WDR48: variants seen among roughly 807,000 people sequenced by gnomAD.
WDR48 encodes the protein WD repeat-containing protein 48.
In WDR48, 22 loss-of-function variants were observed where a neutral mutation model predicts 94.0. The ratio of observed to expected loss-of-function variants is 0.23; its 90% CI spans 0.17 to 0.33. The LOEUF (loss-of-function observed/expected upper bound fraction) is 0.33, where lower values mean the gene tolerates loss of function less well. WDR48 is among the 10% of genes least tolerant of loss of function. The probability of loss-of-function intolerance (pLI) is 1.00; values close to 1 mark genes in which losing one functional copy is unlikely to be tolerated. For synonymous variants in WDR48, 278 were observed against 280.5 expected (o/e 0.99, Z 0.09); for missense variants, 541 against 813.8 (o/e 0.66, Z 4.08).
chr3:39,078,490 C>T (rs572695228), intron 10 of WDR48, among the ~76,000 whole-genome samples: 2 of 152,012 alleles, frequency 1.3e-5, no homozygotes, highest in African/African-American at 4.8e-5. Context: ...GGGATCTTGG[C>T]TCACTGCAAC....
chr3:39,088,866 T>C (rs2034945283), intron 15 of WDR48, among the ~76,000 whole-genome samples: 1 of 152,242 alleles, frequency 6.6e-6, no homozygotes, highest in Non-Finnish European at 1.5e-5. Context: ...GATAGTTTCC[T>C]GAGTGGTTAC....
At position 39,063,147 on chromosome 3, in the gene WDR48, G is replaced by C; in HGVS notation, c.146G>C (p.Gly49Ala). The C allele has an allele frequency of 6.2e-7, 1 of 1,614,114 alleles. No homozygotes were observed. The highest frequency in any genetic ancestry group is 8.5e-7 in the Non-Finnish European group (1 of 1,179,994). ...DPALNRLFTA[G>A]RDSIIRIWSV... is the part of the protein sequence containing the mutation. The stretch of plus-strand genomic sequence containing the variant: ...GCACTAAATAGACTTTTCACAGCCG[G>C]TCGAGACTCTATCATAAGAATATGG... The change falls in exon 2 of 19, where the codon GGT becomes GCT. Residue 49 changes from glycine (G) to alanine (A), a missense_variant. By Grantham distance (60) the Gly-to-Ala change is moderately conservative. This residue lies in a region of WDR48 where 90 missense variants were observed against 122.3 expected (regional missense o/e 0.74). Coordinates refer to ENST00000302313, the MANE Select transcript of WDR48 (RefSeq NM_020839.4).
intron 18 of WDR48, chr3:39,094,438 C>T: frequency 1.3e-6 from 2 of 1,529,434 alleles, no homozygotes; most frequent in Admixed American, 2.0e-5. Context: ...GAAAGATGGC[C>T]TGGTGTTTCT....
rs2035332098 is a variant in WDR48, at chr3:39,096,354, T to G, written c.*1611T>G. On this transcript the variant is annotated 3_prime_UTR_variant, in exon 19 of 19. Coordinates refer to ENST00000302313, the MANE Select transcript of WDR48 (RefSeq NM_020839.4). The stretch of plus-strand genomic sequence containing the variant: ...GTTGGATACAACAGTGTGCTTTTGG[T>G]GCACATTTTTTAGCAATAGTTGTGA... 1 of 151,994 alleles carries G rather than the reference T, an allele frequency of 6.6e-6. No individual in the cohort carries two copies. The allele number at this position is 151,994 out of a possible 1,614,324, so 9.4% of individuals were successfully genotyped here.
At chr3:39,060,128 A>AAAAAAAAAT (rs2033158512) in intron 1 of WDR48, among the ~76,000 whole-genome samples, 1 of 152,156 alleles carries the variant, frequency 6.6e-6, no homozygotes, top group African/African-American at 2.4e-5. Context: ...CAAAGTGTAC[A>AAAAAAAAAT]ATTCAGTGAT....
At chr3:39,059,611 AAC>A (rs2033126662) in intron 1 of WDR48, among the ~76,000 whole-genome samples, 1 of 152,216 alleles carries the variant, frequency 6.6e-6, no homozygotes, top group African/African-American at 2.4e-5. Flanking sequence ...CAAACAAACA[AAC>A]AAAAGCTGGT....
At chr3:39,089,849 CTGTG>C (rs1347622942) in intron 16 of WDR48, 3 of 152,040 alleles carry the variant, frequency 2.0e-5, no homozygotes, top group African/African-American at 7.3e-5. Context: ...TTTTTAATGA[CTGTG>C]TAAGATTCTA....
At chr3:39,084,557 A>T in intron 12 of WDR48, 88 bp from the exon 13 acceptor site, 1 of 1,179,596 alleles carries the variant, frequency 8.5e-7, no homozygotes, top group Non-Finnish European at 1.2e-6. Context: ...TTAGCACTTT[A>T]GTCAAATAGT....
At chr3:39,083,122 A>G (rs2034622714) in intron 11 of WDR48, among the ~76,000 whole-genome samples, 1 of 152,230 alleles carries the variant, frequency 6.6e-6, no homozygotes, top group East Asian at 1.9e-4. Context: ...ATGGATTTAA[A>G]TAAAGAGGGT....
intron 11 of WDR48, among the ~76,000 whole-genome samples, chr3:39,083,274 A>G (rs1292837431): frequency 1.3e-5 from 2 of 152,162 alleles, no homozygotes; most frequent in East Asian, 3.8e-4. Flanking sequence ...CGGAAACTAG[A>G]GAAGATGTAG....
chr3:39,064,137 AAAG>A (rs1163977538), intron 2 of WDR48, among the ~76,000 whole-genome samples: 1 of 152,186 alleles, frequency 6.6e-6, no homozygotes, highest in East Asian at 1.9e-4. Context: ...ATGACAGAGA[AAAG>A]AAGAATCAGG....
intron 1 of WDR48, 123 bp from the exon 2 acceptor site, chr3:39,062,927 G>T: frequency 8.0e-7 from 1 of 1,244,956 alleles, no homozygotes; most frequent in African/African-American, 1.5e-5. Flanking sequence ...AATTTGTATT[G>T]GGTTGAAAAA....
intron 6 of WDR48, 148 bp downstream of exon 6, chr3:39,069,007 G>A: frequency 1.7e-6 from 1 of 583,712 alleles, no homozygotes. Flanking sequence ...AGGTTGGGGT[G>A]CAGTGGCATC....
chr3:39,077,822 A>G (rs1003564414), intron 9 of WDR48, among the ~76,000 whole-genome samples: 8 of 151,708 alleles, frequency 5.3e-5, no homozygotes, highest in Non-Finnish European at 1.2e-4. Flanking sequence ...TTCTTTCTGT[A>G]TACTTATTTT....
At chr3:39,061,787 C>G (rs903590623) in intron 1 of WDR48, among the ~76,000 whole-genome samples, 1 of 152,124 alleles carries the variant, frequency 6.6e-6, no homozygotes, top group African/African-American at 2.4e-5. Flanking sequence ...TTAATGACTG[C>G]CACTCTAACT....
chr3:39,090,716 A>G (rs935452742), intron 16 of WDR48: 4 of 152,188 alleles, frequency 2.6e-5, no homozygotes, highest in Admixed American at 6.5e-5. Context: ...CTGTATACAC[A>G]TGGGTCTGCT....
At chr3:39,065,922 T>G in intron 3 of WDR48, 33 bp downstream of exon 3, 1 of 1,514,984 alleles carries the variant, frequency 6.6e-7, no homozygotes, top group South Asian at 1.3e-5. Context: ...ATTGGGCTTC[T>G]GATATATTTT....
At chr3:39,084,813 G>A in intron 13 of WDR48, 72 bp downstream of exon 13, 2 of 1,326,168 alleles carry the variant, frequency 1.5e-6, no homozygotes, top group Non-Finnish European at 1.1e-6. Context: ...TTTTTGCTAA[G>A]TACTTATCTT....
chr3:39,069,002 G>A, intron 6 of WDR48, 143 bp downstream of exon 6: 2 of 593,168 alleles, frequency 3.4e-6, no homozygotes. Context: ...CACCCAGGTT[G>A]GGGTGCAGTG....
Sources: gnomAD v4.1 joint callset for allele counts (sites outside exome capture counted in the v4.1 genomes callset) on GRCh38, gnomAD v4.1.1 for gene constraint, gnomAD v4.1.1 regional missense constraint, MANE v1.5 for transcripts, NCBI Gene and HGNC (gene_info 2026-07-23, HGNC 2026-07-21) for gene names.